The following MEIKIN variants were observed in gnomAD, a reference collection of about 807,000 sequenced individuals.
MEIKIN encodes meiotic kinetochore factor.
At chr5:131,849,399 T>C (rs957389103) in intron 11 of MEIKIN, among the ~76,000 whole-genome samples, 1 of 138,942 alleles carries the variant, frequency 7.2e-6, no homozygotes, top group Non-Finnish European at 1.6e-5. Context: ...CTTTTCTTTA[T>C]ATATATAAAG....
intron 8 of MEIKIN, among the ~76,000 whole-genome samples, chr5:131,887,077 C>T (rs1244502195): frequency 2.0e-5 from 3 of 151,446 alleles, no homozygotes; most frequent in Admixed American, 6.6e-5. Context: ...TAAGAACATG[C>T]GGTATTTGGT....
intron 5 of MEIKIN, among the ~76,000 whole-genome samples, chr5:131,922,896 C>G (rs1294688450): frequency 1.3e-5 from 2 of 152,070 alleles, no homozygotes; most frequent in African/African-American, 4.8e-5. Flanking sequence ...TTTATACACA[C>G]ACACACACTT....
At chr5:131,844,839 A>G (rs1749981773) in intron 11 of MEIKIN, among the ~76,000 whole-genome samples, 1 of 152,194 alleles carries the variant, frequency 6.6e-6, no homozygotes, top group Non-Finnish European at 1.5e-5. Flanking sequence ...TATACAAGGA[A>G]AGCTAGACAG....
intron 11 of MEIKIN, among the ~76,000 whole-genome samples, chr5:131,834,986 A>G (rs1282642540): frequency 2.0e-5 from 3 of 152,252 alleles, no homozygotes; most frequent in South Asian, 4.1e-4. Context: ...AAAATAAGCA[A>G]TTCTAACAGG....
chr5:131,873,851 C>G (rs1750556569), intron 9 of MEIKIN, among the ~76,000 whole-genome samples: 1 of 152,178 alleles, frequency 6.6e-6, no homozygotes, highest in African/African-American at 2.4e-5. Context: ...CACTCAAAAC[C>G]ACTCAACTGC....
At chr5:131,867,119 T>A (rs1433949542) in intron 9 of MEIKIN, among the ~76,000 whole-genome samples, 1 of 152,208 alleles carries the variant, frequency 6.6e-6, no homozygotes, top group East Asian at 1.9e-4. Flanking sequence ...CTGGTTTGCC[T>A]CTCTTTAGTC....
chr5:131,929,226 T>C (rs1751641889), intron 5 of MEIKIN, among the ~76,000 whole-genome samples: 1 of 152,234 alleles, frequency 6.6e-6, no homozygotes, highest in South Asian at 2.1e-4. Flanking sequence ...CTTTCAAAAC[T>C]GTCTTTGTAT....
intron 9 of MEIKIN, among the ~76,000 whole-genome samples, chr5:131,855,109 T>C (rs946359001): frequency 6.6e-6 from 1 of 152,220 alleles, no homozygotes; most frequent in African/African-American, 2.4e-5. Flanking sequence ...AAATTACTAT[T>C]AATTTAGAAA....
intron 5 of MEIKIN, among the ~76,000 whole-genome samples, chr5:131,922,617 G>A (rs961246692): frequency 3.9e-5 from 6 of 152,104 alleles, no homozygotes; most frequent in Admixed American, 3.3e-4. Context: ...ACAACTGTAC[G>A]TAAACTGCTA....
At chr5:131,859,526 C>T (rs2149618601) in intron 9 of MEIKIN, among the ~76,000 whole-genome samples, 1 of 152,286 alleles carries the variant, frequency 6.6e-6, no homozygotes, top group East Asian at 1.9e-4. Context: ...CACCCTTTCT[C>T]TTTTGTTCCT....
chr5:131,868,700 C>T (rs1426042349), intron 9 of MEIKIN, among the ~76,000 whole-genome samples: 2 of 145,698 alleles, frequency 1.4e-5, no homozygotes, highest in African/African-American at 5.1e-5. Flanking sequence ...AGCCTCCCGA[C>T]AGGGATTCTG....
chr5:131,825,965 C>T (rs994923854), intron 11 of MEIKIN, among the ~76,000 whole-genome samples: 2 of 152,062 alleles, frequency 1.3e-5, no homozygotes, highest in Non-Finnish European at 2.9e-5. Context: ...AAATGTGTAC[C>T]AAGAAAAACT....
intron 8 of MEIKIN, among the ~76,000 whole-genome samples, chr5:131,899,629 T>C (rs1024206661): frequency 4.1e-5 from 6 of 145,584 alleles, no homozygotes; most frequent in African/African-American, 1.5e-4. Flanking sequence ...AGACTGTAAA[T>C]AAAGGGATGC....
At chr5:131,823,917 T>G (rs1471853139) in intron 11 of MEIKIN, among the ~76,000 whole-genome samples, 2 of 152,188 alleles carry the variant, frequency 1.3e-5, no homozygotes, top group Non-Finnish European at 2.9e-5. Context: ...ACCACCTTGG[T>G]AGTACCACCT....
intron 4 of MEIKIN, among the ~76,000 whole-genome samples, chr5:131,936,971 T>C (rs771032724): frequency 3.9e-4 from 60 of 152,292 alleles, no homozygotes; most frequent in Middle Eastern, 3.4e-3. Context: ...TCTTCTTCTG[T>C]CTTTTCTTCT....
intron 5 of MEIKIN, among the ~76,000 whole-genome samples, chr5:131,923,131 G>A (rs1329202662): frequency 2.0e-5 from 3 of 152,090 alleles, no homozygotes; most frequent in Non-Finnish European, 4.4e-5. Flanking sequence ...CAAGCAATCC[G>A]CCTGCCTCAG....
chr5:131,848,079 A>G (rs1750048473), intron 11 of MEIKIN, among the ~76,000 whole-genome samples: 1 of 152,150 alleles, frequency 6.6e-6, no homozygotes, highest in Non-Finnish European at 1.5e-5. Context: ...AAAAACAAGA[A>G]ATGTCTCAAA....
At position 131,922,613 on chromosome 5, in the gene MEIKIN, G is replaced by C. The variant is rs76016888; in HGVS notation, c.479-672C>G. Among the ~76,000 whole-genome samples the C allele has an allele frequency of 4.7e-3, 715 of 152,192 alleles. 7 individuals carry two copies. The highest frequency in any genetic ancestry group is 0.016 in the African/African-American group (680 of 41,540). On this transcript the variant is annotated intron_variant, in intron 5 of 12. Transcript: ENST00000442687. ...CCCCCATGGATACCAAGGGACAACT[G>C]TACGTAAACTGCTATTACTTAATAT...
At chr5:131,817,742 A>T (rs1052667770) in intron 12 of MEIKIN, among the ~76,000 whole-genome samples, 2 of 152,164 alleles carry the variant, frequency 1.3e-5, no homozygotes, top group African/African-American at 4.8e-5. Flanking sequence ...AGGAACTTAT[A>T]AAAAAGGGAT....
Sources: allele counts gnomAD v4.1 joint callset (sites outside exome capture counted in the v4.1 genomes callset), GRCh38; gene constraint gnomAD v4.1.1; transcripts MANE v1.5; gene names NCBI Gene and HGNC (gene_info 2026-07-23, HGNC 2026-07-21).